LRRC7: variants seen among roughly 807,000 people sequenced by gnomAD.
LRRC7 encodes the protein leucine-rich repeat-containing protein 7.
A neutral mutation model predicts 175.7 loss-of-function variants in LRRC7; 23 were observed. That is an observed-to-expected ratio of 0.13 (90% CI 0.09 to 0.19). The LOEUF is 0.19. Among genes scored for constraint, LRRC7 ranks in the 10% least tolerant of loss-of-function variants. LRRC7 has a pLI of 1.00. For synonymous variants in LRRC7, 685 were observed against 680.9 expected, an observed-to-expected ratio of 1.01 and a Z score of -0.09; for missense variants, 1,354 against 1,904.7, an observed-to-expected ratio of 0.71 and a Z score of 5.38.
chr1:70,021,174 T>C lies in LRRC7; in HGVS notation c.1545+45T>C, dbSNP rs773718961. 6 of 1,580,300 alleles carry C rather than the reference T, an allele frequency of 3.8e-6. No individual in the cohort carries two copies. In the South Asian group the frequency reaches 6.8e-5, roughly 18 times the overall value. ...TTTCCTCTTTCTTCTCCTTATCTTT[T>C]TGTTTGTCCGTTTTTCTTATTCAGA... On this transcript the variant is annotated intron_variant, in intron 16 of 26. Coordinates refer to ENST00000651989, the MANE Select transcript of LRRC7 (RefSeq NM_001370785.2).
intron 4 of LRRC7, among the ~76,000 whole-genome samples, chr1:69,798,253 T>G (rs922838760): frequency 6.6e-6 from 1 of 152,148 alleles, no homozygotes; most frequent in Non-Finnish European, 1.5e-5. Context: ...GCCTAGATAC[T>G]GAAGAGCTTC....
chr1:69,810,781 A>G lies in LRRC7; in HGVS notation c.422-14967A>G, dbSNP rs186432387. ...TTACACAAAAATTAACTCAGGTCAG[A>G]TTAAAGACTTAAATATAAAACCTAA... On this transcript the variant is annotated intron_variant, in intron 4 of 26. Transcript: ENST00000651989. Among the ~76,000 whole-genome samples the G allele has an allele frequency of 2.0e-5, 3 of 152,340 alleles. No individual in the cohort carries two copies. The East Asian group carries it at 5.8e-4, about 29-fold the overall frequency.
chr1:70,078,112 G>C (rs191965133), intron 24 of LRRC7, among the ~76,000 whole-genome samples: 2 of 152,148 alleles, frequency 1.3e-5, no homozygotes, highest in Non-Finnish European at 2.9e-5. Context: ...ATAAATACTC[G>C]TGGTGATAGG....
chr1:69,817,914 CAT>C (rs1239250130), intron 4 of LRRC7, among the ~76,000 whole-genome samples: 2 of 152,004 alleles, frequency 1.3e-5, no homozygotes, highest in African/African-American at 4.8e-5. Context: ...TTCTTTTTCA[CAT>C]AGTTTGTTGT....
chr1:70,013,927 T>C (rs1238020230), intron 13 of LRRC7: 1 of 152,062 alleles, frequency 6.6e-6, no homozygotes, highest in East Asian at 1.9e-4. Context: ...AGGATAAGCA[T>C]TGGAATTCTC....
intron 11 of LRRC7, among the ~76,000 whole-genome samples, chr1:70,008,956 T>C (rs745817613): frequency 3.3e-5 from 5 of 152,192 alleles, no homozygotes; most frequent in Non-Finnish European, 5.9e-5. Flanking sequence ...GTTACTCATC[T>C]GAATACCAAG....
chr1:70,106,084 ACAAG>A (rs978231068), intron 25 of LRRC7, among the ~76,000 whole-genome samples: 1 of 152,168 alleles, frequency 6.6e-6, no homozygotes, highest in African/African-American at 2.4e-5. Context: ...TTTCTAAATA[ACAAG>A]CAAGAATATC....
intron 26 of LRRC7, 88 bp from the exon 27 acceptor site, chr1:70,121,692 C>G (rs1558086322): frequency 1.2e-6 from 1 of 803,728 alleles, no homozygotes. Context: ...TTTTGTTGCT[C>G]AGTGCTCCCG....
intron 6 of LRRC7, among the ~76,000 whole-genome samples, chr1:69,835,460 A>C (rs992904839): frequency 6.6e-6 from 1 of 152,000 alleles, no homozygotes; most frequent in African/African-American, 2.4e-5. Flanking sequence ...ACATAAAAAA[A>C]GTCTGTCTTC....
intron 2 of LRRC7, among the ~76,000 whole-genome samples, chr1:69,749,838 C>A (rs1190121796): frequency 1.3e-5 from 2 of 151,582 alleles, no homozygotes; most frequent in African/African-American, 4.8e-5. Context: ...CTGAGGTGGG[C>A]GGATCACGAG....
At chr1:69,815,948 C>CTTTA (rs61408208) in intron 4 of LRRC7, among the ~76,000 whole-genome samples, 11,609 of 147,410 alleles carry the variant, frequency 0.079, 738 homozygotes, top group African/African-American at 0.18. Flanking sequence ...TCTCTAGAAC[C>CTTTA]TTTATTTATT....
chr1:69,901,274 A>G (rs1044954092), intron 7 of LRRC7, among the ~76,000 whole-genome samples: 9 of 152,226 alleles, frequency 5.9e-5, no homozygotes, highest in African/African-American at 1.9e-4. Context: ...TCAAGAGATA[A>G]TAATGGAAAT....
At chr1:69,682,371 A>G (rs1228422814) in intron 2 of LRRC7, among the ~76,000 whole-genome samples, 1 of 152,132 alleles carries the variant, frequency 6.6e-6, no homozygotes, top group Non-Finnish European at 1.5e-5. Flanking sequence ...AGGGGATTAT[A>G]CAGGGTTCAA....
intron 2 of LRRC7, among the ~76,000 whole-genome samples, chr1:69,692,698 T>C (rs951509745): frequency 6.6e-6 from 1 of 152,224 alleles, no homozygotes; most frequent in African/African-American, 2.4e-5. Context: ...ATTGACTTAA[T>C]GTCAGCTGTA....
intron 7 of LRRC7, among the ~76,000 whole-genome samples, chr1:69,902,225 T>A (rs897308579): frequency 1.3e-5 from 2 of 152,180 alleles, no homozygotes; most frequent in East Asian, 3.8e-4. Context: ...ACTCAAATGA[T>A]GTTTGTTAAA....
chr1:70,114,730 C>T (rs1665740690), intron 26 of LRRC7, among the ~76,000 whole-genome samples: 2 of 152,096 alleles, frequency 1.3e-5, no homozygotes, highest in South Asian at 4.1e-4. Flanking sequence ...CAGATTTTGA[C>T]TGCATATTTT....
rs1553146102 is a variant in LRRC7, at chr1:69,718,128, A to AGAAAGAGAGAG, written c.100+39650_100+39651insGAAAGAGAGAG. 8.8e-3 allele frequency among the ~76,000 whole-genome samples: 599 copies of AGAAAGAGAGAG among 67,760 alleles called. 12 individuals carry two copies. The highest frequency in any genetic ancestry group is 0.054 in the African/African-American group (551 of 10,170). The allele number at this position is 67,760 out of a possible 152,430, so 44.5% of individuals were successfully genotyped here. A position where few individuals can be genotyped will look rare whatever the true frequency, so the allele number is the denominator to read the frequency against. On this transcript the variant is annotated intron_variant, in intron 2 of 26. Transcript: ENST00000651989. ...GAGAGAAAAAGAAAGAAAGAAAGAA[A>AGAAAGAGAGAG]AGAAAGAAAGAGAGAGAAAGAAAGA...
chr1:69,714,088 C>A (rs1665081495), intron 2 of LRRC7, among the ~76,000 whole-genome samples: 1 of 152,092 alleles, frequency 6.6e-6, no homozygotes, highest in Admixed American at 6.6e-5. Context: ...AGCCTTACAC[C>A]AATTCACCTT....
intron 23 of LRRC7, among the ~76,000 whole-genome samples, chr1:70,066,790 T>G (rs1662012768): frequency 6.6e-6 from 1 of 152,064 alleles, no homozygotes. Flanking sequence ...CATGTTCAAT[T>G]TGTAAAGAAA....
Sources: allele counts gnomAD v4.1 joint callset (sites outside exome capture counted in the v4.1 genomes callset), GRCh38; gene constraint gnomAD v4.1.1; transcripts MANE v1.5; gene names NCBI Gene and HGNC (gene_info 2026-07-23, HGNC 2026-07-21).